Variants in TTN observed in about 807,000 individuals in gnomAD.
TTN encodes the protein titin, also known as connectin.
In TTN, 1,525 loss-of-function variants were observed where a neutral mutation model predicts 3,223.0. The ratio of observed to expected loss-of-function variants is 0.47; its 90% CI spans 0.45 to 0.49. TTN has a LOEUF of 0.49. Among genes scored for constraint, TTN ranks in the 20% least tolerant of loss-of-function variants. The pLI is 0.00. For missense variants in TTN, 40,786 were observed against 43,424.0 expected, an observed-to-expected ratio of 0.94 and a Z score of 5.40; for synonymous variants, 14,094 against 15,161.0, an observed-to-expected ratio of 0.93 and a Z score of 5.17.
chr2:178,604,826 G>T lies in TTN; in HGVS notation c.54263C>A (p.Ala18088Asp). ...KAESCYLTWD[A>D]PLDNGGSEIT... The stretch of plus-strand genomic sequence containing the variant: ...TTCACTGCCACCATTATCAAGAGGG[G>T]CATCCCATGTCAAGTAGCAAGATTC... Residue 18088 changes from alanine to aspartate, a missense_variant, in exon 281 of 363, where the codon GCC (alanine) becomes GAC (aspartate). By Grantham distance (126) the Ala-to-Asp change is moderately radical. Transcript: ENST00000589042. 6.2e-7 allele frequency: 1 copy of T among 1,612,228 alleles called. No homozygotes were observed. Among genetic ancestry groups the T allele is most frequent in the Non-Finnish European group, 8.5e-7 (1 of 1,178,980 alleles).
Position 178,723,500 on chromosome 2 carries a change from G to A in TTN, c.21600C>T (p.Asp7200=). Residue 7200 remains aspartate (D), a synonymous_variant, in exon 74 of 363, where the codon GAC becomes GAT. Coordinates refer to ENST00000589042, the MANE Select transcript of TTN (RefSeq NM_001267550.2). ...TVAELELFNI[D]ISQSGEYTCV... ...AGGTGTATTCCCCACTCTGAGATAT[G>A]TCAATATTAAATAATTCCAGTTCTG... The A allele has an allele frequency of 1.2e-6, 2 of 1,613,320 alleles. No homozygotes were observed. Among genetic ancestry groups the A allele is most frequent in the Non-Finnish European group, 1.7e-6 (2 of 1,179,596 alleles).
rs878854302 is a variant in TTN at position 178,652,695 on chromosome 2, G to T, written c.39001C>A (p.Pro13001Thr). Residue 13001 changes from proline (P) to threonine (T), a missense_variant, in exon 201 of 363, where the codon CCC (proline) becomes ACC (threonine). Physicochemically the swap from Pro to Thr is conservative, Grantham distance 38. Coordinates refer to ENST00000589042, the MANE Select transcript of TTN (RefSeq NM_001267550.2). ...TCAGGCTTTTTAGGAGGAGCCGAGG[G>T]CACTTTCTTTTCAGGAACAACCTCT... ...PKEVVPEKKVPSAPPKKPEVP... is the reference protein window; with the variant it reads ...PKEVVPEKKVTSAPPKKPEVP... 48 of 1,613,226 alleles carry T rather than the reference G, an allele frequency of 3.0e-5. No homozygotes were observed. Among genetic ancestry groups the T allele is most frequent in the Non-Finnish European group, 3.9e-5 (46 of 1,179,560 alleles).
Position 178,557,792 on chromosome 2 carries a change from C to T in TTN, c.87562G>A (p.Val29188Met). The change falls in exon 328 of 363, where the codon GTG (valine) becomes ATG (methionine). Residue 29188 changes from valine (V) to methionine (M), a missense_variant. Val to Met is a conservative substitution (Grantham distance 21). Transcript: ENST00000589042. ...ATGGTTCTTGCAACTGTTGCAGACA[C>T]TTCAGTCCACACTGCAGTACTTGTT... is the stretch of plus-strand genomic sequence containing the variant. Reference protein sequence around the residue: ...RETSTAVWTEVSATVARTMMK... With the variant: ...RETSTAVWTEMSATVARTMMK... 1.9e-6 allele frequency: 3 copies of T among 1,613,976 alleles called. No individual in the cohort carries two copies. The highest frequency in any genetic ancestry group is 2.5e-6 in the Non-Finnish European group (3 of 1,179,846).
rs773632666 is a variant in TTN at position 178,599,342 on chromosome 2, A to G, written c.56451T>C (p.Ile18817=). 3.1e-6 allele frequency: 5 copies of G among 1,609,064 alleles called. No individual in the cohort carries two copies. The South Asian group carries it at 5.6e-5, about 18-fold the overall frequency. ...CTCTTTTCTCAATTACATAGTTTGT[A>G]ATCTTAGACCCACCATCATCTTTAG... ...FPPKDDGGSK[I]TNYVIEKREA... is the part of the protein sequence containing the mutation. Residue 18817 remains isoleucine (I), a synonymous_variant, in exon 290 of 363, where the codon ATT becomes ATC. Coordinates refer to ENST00000589042, the MANE Select transcript of TTN (RefSeq NM_001267550.2).
Position 178,631,093 on chromosome 2 carries a change from A to C in TTN, c.43955T>G (p.Ile14652Ser), listed in dbSNP as rs767038885. Residue 14652 changes from isoleucine to serine, a missense_variant, in exon 237 of 363, where the codon ATT (isoleucine) becomes AGT (serine). Coordinates refer to ENST00000589042, the MANE Select transcript of TTN (RefSeq NM_001267550.2). ...LILKKALKSD[I>S]GQYTCDCGTD... The stretch of plus-strand genomic sequence containing the variant: ...CCCACAGTCACAGGTGTACTGTCCA[A>C]TATCTGATTTCAAGGCTTTCTTTAG... 2.5e-6 allele frequency: 4 copies of C among 1,613,304 alleles called. No homozygotes were observed. Among genetic ancestry groups the C allele is most frequent in the Non-Finnish European group, 3.4e-6 (4 of 1,179,606 alleles).
Position 178,590,843 on chromosome 2 carries a change from C to G in TTN, c.60882G>C (p.Leu20294=), listed in dbSNP as rs2154184626. Residue 20294 remains leucine, a synonymous_variant, in exon 304 of 363, where the codon CTG becomes CTC. Coordinates refer to ENST00000589042, the MANE Select transcript of TTN (RefSeq NM_001267550.2). ...TENAATVSWT[L]PKSDGGSPIT... Reference sequence around the variant, plus strand: ...TTGGACTGCCACCATCAGATTTTGGCAGGGTCCAAGACACTGTTGCTGCAT... The same window carrying G: ...TTGGACTGCCACCATCAGATTTTGGGAGGGTCCAAGACACTGTTGCTGCAT... The G allele has an allele frequency of 1.9e-6, 3 of 1,607,282 alleles. No individual in the cohort carries two copies. Among genetic ancestry groups the G allele is most frequent in the Non-Finnish European group, 2.6e-6 (3 of 1,174,480 alleles).
intron 350 of TTN, among the ~76,000 whole-genome samples, chr2:178,540,892 A>G (rs1694134584): frequency 6.6e-6 from 1 of 152,208 alleles, no homozygotes; most frequent in Admixed American, 6.5e-5. Flanking sequence ...TTTCTCTTAA[A>G]TGTGCTTCAT....
intron 129 of TTN, 31 bp downstream of exon 129, chr2:178,685,220 AAT>A (rs774773396): frequency 3.7e-5 from 54 of 1,475,258 alleles, no homozygotes; most frequent in Non-Finnish European, 4.5e-5. Flanking sequence ...CATTAAAATA[AAT>A]AGTGTTGCAT....
intron 21 of TTN, among the ~76,000 whole-genome samples, chr2:178,780,459 G>T (rs569621908): frequency 6.6e-6 from 1 of 152,298 alleles, no homozygotes; most frequent in Admixed American, 6.5e-5. Flanking sequence ...ATCTACCACG[G>T]AGGACTTCCT....
chr2:178,681,581 T>C (rs1054238684), intron 136 of TTN, 80 bp downstream of exon 136: 8 of 1,493,002 alleles, frequency 5.4e-6, no homozygotes, highest in Non-Finnish European at 7.3e-6. Context: ...ACACTGCCAC[T>C]TTTACATATA....
rs2154167640 is a variant in TTN at position 178,569,256 on chromosome 2, A to G, written c.76876T>C (p.Leu25626=). The G allele has an allele frequency of 6.2e-7, 1 of 1,605,352 alleles. No individual in the cohort carries two copies. Among genetic ancestry groups the G allele is most frequent in the East Asian group, 2.2e-5 (1 of 44,764 alleles). ...DSVSITWEPP[L]LDGGSKIKNY... ...TTTATTTTGGATCCCCCATCCAACA[A>G]AGGAGGTTCCCATGTAATTGATACT... The change falls in exon 326 of 363, where the codon TTG becomes CTG. Residue 25626 remains leucine, a synonymous_variant. Coordinates refer to ENST00000589042, the MANE Select transcript of TTN (RefSeq NM_001267550.2).
intron 282 of TTN, among the ~76,000 whole-genome samples, chr2:178,603,479 A>G (rs185812490): frequency 6.6e-6 from 1 of 152,020 alleles, no homozygotes; most frequent in African/African-American, 2.4e-5. Flanking sequence ...AGCTAACAAC[A>G]TTCTGTTTTT....
intron 110 of TTN, 71 bp from the exon 111 acceptor site, chr2:178,701,274 C>A: frequency 1.4e-6 from 2 of 1,396,732 alleles, no homozygotes; most frequent in Admixed American, 2.0e-5. Context: ...TGAAAAGTCT[C>A]ATGCATTTCT....
chr2:178,649,224 C>A, intron 213 of TTN, 24 bp downstream of exon 213: 1 of 1,475,506 alleles, frequency 6.8e-7, no homozygotes, highest in South Asian at 1.3e-5. Context: ...TTAGAGAAAT[C>A]TATTTTTTCT....
intron 60 of TTN, 56 bp from the exon 61 acceptor site, chr2:178,730,848 TTG>T: frequency 1.3e-6 from 2 of 1,527,498 alleles, no homozygotes; most frequent in East Asian, 2.3e-5. Context: ...TAATTTGTTT[TTG>T]TTTTTTTTTT....
chr2:178,580,035 A>C lies in TTN; in HGVS notation c.67252T>G (p.Leu22418Val). ...AAGAAGTAGGATTTTCCCTCCTCCA[A>C]ATTAGCTACTCTGAAGCTTGTTTTG... is the stretch of plus-strand genomic sequence containing the variant. ...CSKTSFRVAN[L>V]EEGKSYFFRV... The change falls in exon 318 of 363, where the codon TTG (leucine) becomes GTG (valine). Residue 22418 changes from leucine to valine, a missense_variant. Coordinates refer to ENST00000589042, the MANE Select transcript of TTN (RefSeq NM_001267550.2). The C allele has an allele frequency of 6.2e-7, 1 of 1,613,284 alleles. No homozygotes were observed. The highest frequency in any genetic ancestry group is 8.5e-7 in the Non-Finnish European group (1 of 1,179,470).
chr2:178,617,436 A>G lies in TTN; in HGVS notation c.47649T>C (p.Pro15883=). The change falls in exon 254 of 363, where the codon CCT becomes CCC. Residue 15883 remains proline (P), a synonymous_variant. Transcript: ENST00000589042. The stretch of plus-strand genomic sequence containing the variant: ...ATATTGGGCTTCCTCCATCTTTCAG[A>G]GGAGGTTCCCATTTGAGCTGAACTG... ...QSSVQLKWEP[P]LKDGGSPILG... 1 of 1,596,622 alleles carries G rather than the reference A, an allele frequency of 6.3e-7. No individual in the cohort carries two copies. Among genetic ancestry groups the G allele is most frequent in the Non-Finnish European group, 8.5e-7 (1 of 1,174,630 alleles).
rs761358796 is a variant in TTN, at chr2:178,621,554, C to T, written c.45270G>A (p.Gln15090=). Residue 15090 remains glutamine (Q), a synonymous_variant, in exon 245 of 363, where the codon CAG becomes CAA. Coordinates refer to ENST00000589042, the MANE Select transcript of TTN (RefSeq NM_001267550.2). ...TGCCAGCATCCTCAAGGTGAGCGTT[C>T]TGAATGACCAGGATTCTCTTCCGTC... ...TEGRKRILVI[Q]NAHLEDAGNY... is the part of the protein sequence containing the mutation. 17 of 1,612,488 alleles carry T rather than the reference C, an allele frequency of 1.1e-5. No homozygotes were observed. The South Asian group carries it at 1.9e-4, about 18-fold the overall frequency.
At chr2:178,686,159 C>T (rs1225160376) in intron 127 of TTN, among the ~76,000 whole-genome samples, 9 of 101,706 alleles carry the variant, frequency 8.8e-5, no homozygotes, top group African/African-American at 3.3e-4. Context: ...CTCGCTCTGT[C>T]GCCCAGGCTG....
Sources: allele counts gnomAD v4.1 joint callset (sites outside exome capture counted in the v4.1 genomes callset), GRCh38; gene constraint gnomAD v4.1.1; transcripts MANE v1.5; gene names NCBI Gene and HGNC (gene_info 2026-07-23, HGNC 2026-07-21).